The following PACRG variants were observed in gnomAD, a reference collection of about 807,000 sequenced individuals.
The protein encoded by PACRG is parkin coregulated gene protein.
PACRG carries 29 observed loss-of-function variants against 29.7 expected under a neutral mutation model. That is an observed-to-expected ratio of 0.98 (90% CI 0.73 to 1.33). The LOEUF (loss-of-function observed/expected upper bound fraction) is 1.33. Among genes scored for constraint, PACRG ranks in the 40% most tolerant of loss-of-function variants. The probability of loss-of-function intolerance (pLI) is 0.00; values close to 1 mark genes in which losing one functional copy is unlikely to be tolerated. For missense variants in PACRG, 279 were observed against 316.2 expected, an observed-to-expected ratio of 0.88 and a Z score of 0.89; for synonymous variants, 116 against 118.7, an observed-to-expected ratio of 0.98 and a Z score of 0.15.
At chr6:162,883,949 G>A (rs1011374434) in intron 2 of PACRG, among the ~76,000 whole-genome samples, 5 of 152,042 alleles carry the variant, frequency 3.3e-5, no homozygotes, top group South Asian at 2.1e-4. Flanking sequence ...GTTTTGTTTC[G>A]TTATTTTGAG....
intron 4 of PACRG, among the ~76,000 whole-genome samples, chr6:163,196,699 C>A (rs1282525503): frequency 3.9e-5 from 6 of 152,102 alleles, no homozygotes; most frequent in Admixed American, 3.3e-4. Flanking sequence ...AAGAAATAAA[C>A]AGATACATGT....
At chr6:163,273,950 A>C (rs1585390910) in intron 4 of PACRG, among the ~76,000 whole-genome samples, 1 of 152,010 alleles carries the variant, frequency 6.6e-6, no homozygotes, top group South Asian at 2.1e-4. Context: ...AAAGTAATGC[A>C]TTTTTCTCTG....
At chr6:163,136,100 A>C (rs1816926354) in intron 4 of PACRG, among the ~76,000 whole-genome samples, 1 of 152,190 alleles carries the variant, frequency 6.6e-6, no homozygotes, top group Non-Finnish European at 1.5e-5. Context: ...TTCTAAGTTT[A>C]ATGTCATTAG....
At chr6:162,743,016 C>T (rs189860861) in intron 1 of PACRG, among the ~76,000 whole-genome samples, 4 of 152,210 alleles carry the variant, frequency 2.6e-5, no homozygotes, top group Non-Finnish European at 1.5e-5. Context: ...CCCATTTTTC[C>T]ACATCCCCAC....
intron 4 of PACRG, among the ~76,000 whole-genome samples, chr6:163,288,846 A>C (rs1562360653): frequency 6.6e-6 from 1 of 152,194 alleles, no homozygotes; most frequent in Non-Finnish European, 1.5e-5. Flanking sequence ...GCAAAACATC[A>C]TGGAATGCAC....
chr6:163,187,492 C>G (rs929421451), intron 4 of PACRG, among the ~76,000 whole-genome samples: 5 of 152,194 alleles, frequency 3.3e-5, no homozygotes, highest in Non-Finnish European at 5.9e-5. Context: ...TATCTGCTTT[C>G]CACCCCAGAC....
chr6:163,255,833 A>G (rs965548650), intron 4 of PACRG, among the ~76,000 whole-genome samples: 2 of 152,046 alleles, frequency 1.3e-5, no homozygotes, highest in African/African-American at 4.8e-5. Context: ...ATGGGGTTTT[A>G]CCATGTTGTC....
intron 4 of PACRG, among the ~76,000 whole-genome samples, chr6:163,283,709 G>T (rs1784296160): frequency 6.6e-6 from 1 of 151,740 alleles, no homozygotes; most frequent in South Asian, 2.1e-4. Context: ...GCTGAGGCAG[G>T]AGAATGGCGT....
At chr6:162,727,854 C>T (rs1289554171), upstream of PACRG, 1 of 620,284 alleles carries the variant, frequency 1.6e-6, no homozygotes, top group Non-Finnish European at 2.8e-6. Context: ...GTAGTTCTAA[C>T]GCGTAGTTTC....
intron 2 of PACRG, among the ~76,000 whole-genome samples, chr6:163,035,563 T>C (rs1808091824): frequency 6.6e-6 from 1 of 152,018 alleles, no homozygotes; most frequent in African/African-American, 2.4e-5. Flanking sequence ...GGAGAATCAC[T>C]TGAACTTGGG....
chr6:162,834,521 G>A (rs1789050465), intron 2 of PACRG, among the ~76,000 whole-genome samples: 1 of 151,802 alleles, frequency 6.6e-6, no homozygotes, highest in African/African-American at 2.4e-5. Flanking sequence ...ATGTACGTGT[G>A]TATTTTTGTA....
At chr6:162,974,808 G>A (rs1319287904) in intron 2 of PACRG, among the ~76,000 whole-genome samples, 4 of 152,124 alleles carry the variant, frequency 2.6e-5, no homozygotes, top group African/African-American at 7.2e-5. Context: ...AGAAAGATTC[G>A]TCACTTGCCT....
intron 4 of PACRG, among the ~76,000 whole-genome samples, chr6:163,286,917 T>C (rs572737542): frequency 6.6e-6 from 1 of 152,312 alleles, no homozygotes; most frequent in Non-Finnish European, 1.5e-5. Flanking sequence ...TGTATTTGTA[T>C]ATGGATATGT....
chr6:162,749,914 A>G (rs1781392812), intron 1 of PACRG, among the ~76,000 whole-genome samples: 1 of 152,232 alleles, frequency 6.6e-6, no homozygotes, highest in South Asian at 2.1e-4. Flanking sequence ...TGATTTATAT[A>G]TGCTATTAAA....
At chr6:163,128,455 C>G (rs1386721601) in intron 4 of PACRG, among the ~76,000 whole-genome samples, 2 of 152,316 alleles carry the variant, frequency 1.3e-5, no homozygotes, top group Middle Eastern at 3.4e-3. Context: ...AGATGTCTAT[C>G]ATGTAGAAAA....
chr6:163,168,529 T>C (rs1325469371), intron 4 of PACRG, among the ~76,000 whole-genome samples: 1 of 143,768 alleles, frequency 7.0e-6, no homozygotes, highest in African/African-American at 2.6e-5. Context: ...AAGCATTGCA[T>C]GAAATCTGCT....
intron 2 of PACRG, among the ~76,000 whole-genome samples, chr6:162,957,051 AC>A (rs796186393): frequency 2.3e-4 from 35 of 152,040 alleles, no homozygotes; most frequent in African/African-American, 7.5e-4. Flanking sequence ...AAAAAAAAAA[AC>A]CAAGCAAACA....
At chr6:163,193,980 C>T (rs1780337242) in intron 4 of PACRG, among the ~76,000 whole-genome samples, 2 of 151,436 alleles carry the variant, frequency 1.3e-5, no homozygotes, top group South Asian at 4.2e-4. Flanking sequence ...GCAACCTCCA[C>T]CTCCTGGGTT....
At position 162,773,494 on chromosome 6, in the gene PACRG, A is replaced by ATTTTTTT. The variant is rs71008110; in HGVS notation, c.157-40628_157-40622dup. 5.9e-4 allele frequency among the ~76,000 whole-genome samples: 39 copies of ATTTTTTT among 66,030 alleles called. 1 individual carries two copies. Among genetic ancestry groups the ATTTTTTT allele is most frequent in the East Asian group, 3.8e-3 (6 of 1,596 alleles). 43.3% of individuals were successfully genotyped at this position (66,030 alleles called of 152,430 possible). On this transcript the variant is annotated intron_variant, in intron 1 of 4. Coordinates refer to ENST00000366888, the MANE Select transcript of PACRG (RefSeq NM_001080379.2). ...ATATTTGGTATTTTTACAGCTTGTC[A>ATTTTTTT]TTTTTTTTTTTTTTTTTTTTTTTTT... is the stretch of plus-strand genomic sequence containing the variant.
Sources: gnomAD v4.1 joint callset for allele counts (sites outside exome capture counted in the v4.1 genomes callset) on GRCh38, gnomAD v4.1.1 for gene constraint, MANE v1.5 for transcripts, NCBI Gene and HGNC (gene_info 2026-07-23, HGNC 2026-07-21) for gene names.